The following MTX2 variants were observed in gnomAD, a reference collection of about 807,000 sequenced individuals.
MTX2 encodes the protein metaxin 2.
Under a neutral mutation model 42.3 loss-of-function variants are expected in MTX2, and 35 were observed. That is an observed-to-expected ratio of 0.83 (90% confidence interval 0.63 to 1.10). MTX2 has a LOEUF of 1.10. Among genes scored for constraint, MTX2 ranks in the 50% least tolerant of loss-of-function variants. MTX2 has a pLI of 0.00. For missense variants in MTX2, 307 were observed against 304.1 expected, an observed-to-expected ratio of 1.01 and a Z score of -0.07; for synonymous variants, 119 against 100.9, an observed-to-expected ratio of 1.18 and a Z score of -1.08.
chr2:176,309,501 A>C (rs1049605962), intron 3 of MTX2, among the ~76,000 whole-genome samples: 1 of 152,030 alleles, frequency 6.6e-6, no homozygotes, highest in East Asian at 1.9e-4. Context: ...GTGTTAAAGT[A>C]TCCCATTATT....
chr2:176,320,693 T>C (rs1423607086), intron 3 of MTX2, among the ~76,000 whole-genome samples: 1 of 127,676 alleles, frequency 7.8e-6, no homozygotes, highest in Non-Finnish European at 1.7e-5. Flanking sequence ...TTTTTACTTA[T>C]TCTTTTTTTT....
At chr2:176,288,067 T>C (rs2105405064) in intron 1 of MTX2, among the ~76,000 whole-genome samples, 1 of 152,226 alleles carries the variant, frequency 6.6e-6, no homozygotes. Context: ...ACACATCCTG[T>C]ATCGTATCAT....
At chr2:176,269,804 G>T in intron 1 of MTX2, 135 bp downstream of exon 1, 1 of 1,099,416 alleles carries the variant, frequency 9.1e-7, no homozygotes, top group Non-Finnish European at 1.2e-6. Flanking sequence ...GGCGGGCACG[G>T]ACTACCAACC....
At chr2:176,333,757 A>G (rs1341497771) in intron 9 of MTX2, among the ~76,000 whole-genome samples, 3 of 151,732 alleles carry the variant, frequency 2.0e-5, no homozygotes, top group African/African-American at 7.2e-5. Context: ...GTTTAAATAC[A>G]CAAGTATTTG....
At chr2:176,319,248 G>A (rs1186232760) in intron 3 of MTX2, among the ~76,000 whole-genome samples, 1 of 152,116 alleles carries the variant, frequency 6.6e-6, no homozygotes, top group Non-Finnish European at 1.5e-5. Flanking sequence ...TTAGATGAGT[G>A]TGCCATGCCA....
At chr2:176,326,265 A>T (rs953069861) in intron 4 of MTX2, among the ~76,000 whole-genome samples, 1 of 151,806 alleles carries the variant, frequency 6.6e-6, no homozygotes, top group East Asian at 1.9e-4. Flanking sequence ...ACCAACTAGC[A>T]TGCCTTCAAA....
intron 9 of MTX2, among the ~76,000 whole-genome samples, chr2:176,332,747 G>T (rs771710547): frequency 6.6e-6 from 1 of 151,314 alleles, no homozygotes; most frequent in African/African-American, 2.4e-5. Context: ...AAAAGATAAC[G>T]TAGATTATTT....
chr2:176,330,153 A>G (rs1242697163), intron 8 of MTX2, among the ~76,000 whole-genome samples: 1 of 150,966 alleles, frequency 6.6e-6, no homozygotes, highest in African/African-American at 2.4e-5. Context: ...GCTTTTACTC[A>G]TAGTGGGTCA....
In MTX2 at chr2:176,328,292, G is replaced by T; in HGVS notation, c.286-1G>T. ...TTTAAATTTTTTTAAATTCCCTTTA[G>T]GGCCATTCTCTTAGTGATGGGCTGG... is the stretch of plus-strand genomic sequence containing the variant. On this transcript the variant is annotated splice_acceptor_variant, in intron 5 of 9. Transcript: ENST00000249442. LOFTEE classifies it high-confidence loss of function. The T allele has an allele frequency of 6.5e-7, 1 of 1,547,396 alleles. No individual in the cohort carries two copies. The highest frequency in any genetic ancestry group is 8.7e-7 in the Non-Finnish European group (1 of 1,151,684).
At chr2:176,311,057 G>T (rs1486544150) in intron 3 of MTX2, among the ~76,000 whole-genome samples, 1 of 152,148 alleles carries the variant, frequency 6.6e-6, no homozygotes, top group East Asian at 1.9e-4. Context: ...GGTCTTTGAT[G>T]TTGGTGACCT....
chr2:176,282,749 G>A (rs1224983555), intron 1 of MTX2, among the ~76,000 whole-genome samples: 2 of 150,780 alleles, frequency 1.3e-5, no homozygotes, highest in Non-Finnish European at 3.0e-5. Flanking sequence ...TGTTGCCCAG[G>A]CTAGAGTGCA....
At chr2:176,310,093 C>T (rs561913982) in intron 3 of MTX2, among the ~76,000 whole-genome samples, 44 of 152,168 alleles carry the variant, frequency 2.9e-4, no homozygotes, top group Admixed American at 4.6e-4. Flanking sequence ...TCTTGTAAGG[C>T]AGGCCTGGTG....
chr2:176,330,369 T>TAAGTATTTCTTATATAGA (rs1270361677), intron 8 of MTX2, among the ~76,000 whole-genome samples: 5 of 149,254 alleles, frequency 3.3e-5, no homozygotes, highest in Non-Finnish European at 7.5e-5. Context: ...GTATTTCTTA[T>TAAGTATTTCTTATATAGA]AAGTATTTCT....
intron 1 of MTX2, among the ~76,000 whole-genome samples, chr2:176,285,888 T>A (rs1360396014): frequency 6.6e-6 from 1 of 152,210 alleles, no homozygotes; most frequent in Admixed American, 6.5e-5. Flanking sequence ...TTATTTCCCC[T>A]GGGTGAATAC....
At chr2:176,313,837 G>A (rs1302579171) in intron 3 of MTX2, among the ~76,000 whole-genome samples, 1 of 152,256 alleles carries the variant, frequency 6.6e-6, no homozygotes, top group African/African-American at 2.4e-5. Flanking sequence ...TTCTGCTAGG[G>A]TACTTAATCA....
chr2:176,326,715 A>G, intron 4 of MTX2, 110 bp from the exon 5 acceptor site: 1 of 696,272 alleles, frequency 1.4e-6, no homozygotes, highest in Non-Finnish European at 2.3e-6. Flanking sequence ...TTACAGTTTT[A>G]TGAAATCCCT....
intron 5 of MTX2, among the ~76,000 whole-genome samples, chr2:176,327,519 T>A (rs1684737370): frequency 6.7e-6 from 1 of 150,334 alleles, no homozygotes; most frequent in Admixed American, 6.7e-5. Context: ...CCTTTCACAT[T>A]GTTGTATTCT....
At chr2:176,319,232 T>C (rs1455429365) in intron 3 of MTX2, among the ~76,000 whole-genome samples, 1 of 152,088 alleles carries the variant, frequency 6.6e-6, no homozygotes, top group East Asian at 1.9e-4. Context: ...GAAAAGAAAA[T>C]ATATTTTAGA....
chr2:176,294,882 T>TTAA (rs1442826930), intron 1 of MTX2, among the ~76,000 whole-genome samples: 1 of 151,274 alleles, frequency 6.6e-6, no homozygotes, highest in African/African-American at 2.5e-5. Context: ...AACCTAATAC[T>TTAA]TAATTGTTTT....
Sources: allele counts gnomAD v4.1 joint callset (sites outside exome capture counted in the v4.1 genomes callset), GRCh38; gene constraint gnomAD v4.1.1; transcripts MANE v1.5; gene names NCBI Gene and HGNC (gene_info 2026-07-23, HGNC 2026-07-21).